Variants in PLCB4 observed in about 807,000 individuals in gnomAD.
PLCB4 encodes phospholipase C beta 4, also known as 1-phosphatidylinositol 4,5-bisphosphate phosphodiesterase beta-4.
In PLCB4, 77 loss-of-function variants were observed where a neutral mutation model predicts 178.8. The observed-to-expected ratio is 0.43, with a 90% CI of 0.36 to 0.52. The LOEUF is 0.52. PLCB4 is among the 20% of genes least tolerant of loss of function. The pLI, the probability that PLCB4 is intolerant of heterozygous loss-of-function variation, is 0.00. For synonymous variants in PLCB4, 496 were observed against 490.8 expected (o/e 1.01, Z -0.14); for missense variants, 1,024 against 1,453.4 (o/e 0.70, Z 4.80).
chr20:9,425,214 A>G (rs1022521261), intron 28 of PLCB4, among the ~76,000 whole-genome samples: 4 of 152,222 alleles, frequency 2.6e-5, no homozygotes, highest in African/African-American at 9.6e-5. Context: ...GGCAAACCTC[A>G]GAAACCTCCC....
intron 1 of PLCB4, among the ~76,000 whole-genome samples, chr20:9,093,424 C>T (rs1369676189): frequency 6.6e-6 from 1 of 152,172 alleles, no homozygotes; most frequent in East Asian, 1.9e-4. Context: ...ACTCCCTTTT[C>T]CAGCTTTTAT....
At chr20:9,203,056 A>AAAAATATATATATAT (rs769628056) in intron 2 of PLCB4, among the ~76,000 whole-genome samples, 1 of 126,162 alleles carries the variant, frequency 7.9e-6, no homozygotes, top group African/African-American at 3.3e-5. Flanking sequence ...AAAAAAAAAA[A>AAAAATATATATATAT]ATATATATAT....
intron 2 of PLCB4, among the ~76,000 whole-genome samples, chr20:9,127,799 C>T (rs747519184): frequency 3.9e-4 from 59 of 152,092 alleles, no homozygotes; most frequent in Non-Finnish European, 8.1e-4. Flanking sequence ...ATTCTCCTGC[C>T]TCTGCCTCCT....
At chr20:9,449,981 C>T (rs929049238) in intron 32 of PLCB4, among the ~76,000 whole-genome samples, 2 of 152,158 alleles carry the variant, frequency 1.3e-5, no homozygotes, top group Non-Finnish European at 2.9e-5. Context: ...CTCTGTGGTG[C>T]GATCATTCAC....
intron 4 of PLCB4, among the ~76,000 whole-genome samples, chr20:9,311,998 G>A (rs1489564291): frequency 6.6e-6 from 1 of 152,114 alleles, no homozygotes; most frequent in African/African-American, 2.4e-5. Context: ...CATGGGCCTA[G>A]TGGCTTTCTT....
intron 12 of PLCB4, among the ~76,000 whole-genome samples, chr20:9,374,718 T>C (rs965112728): frequency 1.3e-5 from 2 of 152,174 alleles, no homozygotes; most frequent in African/African-American, 4.8e-5. Flanking sequence ...AGTGCAGTAT[T>C]TATAGGCTCT....
chr20:9,366,348 G>A lies in PLCB4; in HGVS notation c.503+834G>A, dbSNP rs189172726. Among the ~76,000 whole-genome samples the A allele has an allele frequency of 1.5e-3, 214 of 138,636 alleles. 1 individual carries two copies. Among genetic ancestry groups the A allele is most frequent in the Middle Eastern group, 8.1e-3 (2 of 248 alleles). 91.0% of individuals were successfully genotyped at this position (138,636 alleles called of 152,430 possible). On this transcript the variant is annotated intron_variant, in intron 9 of 39. Coordinates refer to ENST00000378473, the MANE Select transcript of PLCB4 (RefSeq NM_001377142.1). Reference sequence around the variant, plus strand: ...GGAGGCAGAGCTTGCAGTGAGTCGAGATGGCACCACTGCACTCCAGCCTGG... The same window carrying A: ...GGAGGCAGAGCTTGCAGTGAGTCGAAATGGCACCACTGCACTCCAGCCTGG...
intron 2 of PLCB4, among the ~76,000 whole-genome samples, chr20:9,164,407 T>G (rs2146997891): frequency 6.6e-6 from 1 of 152,286 alleles, no homozygotes; most frequent in African/African-American, 2.4e-5. Context: ...TCAGGGAAAT[T>G]AAGTGACTTG....
intron 3 of PLCB4, among the ~76,000 whole-genome samples, chr20:9,225,991 C>T (rs983979504): frequency 1.3e-5 from 2 of 152,174 alleles, no homozygotes; most frequent in African/African-American, 4.8e-5. Flanking sequence ...GGAGAGGAAC[C>T]GGCCGGTGAC....
At chr20:9,112,016 G>C (rs1257494022) in intron 2 of PLCB4, among the ~76,000 whole-genome samples, 1 of 152,026 alleles carries the variant, frequency 6.6e-6, no homozygotes, top group African/African-American at 2.4e-5. Context: ...AGACAAATAT[G>C]CCTTACATTT....
chr20:9,117,931 A>AT (rs2091834523), intron 2 of PLCB4, among the ~76,000 whole-genome samples: 2 of 151,672 alleles, frequency 1.3e-5, no homozygotes, highest in African/African-American at 4.9e-5. Flanking sequence ...TTCTTTACAT[A>AT]TTTTTTATTA....
Position 9,372,338 on chromosome 20 carries a change from A to C in PLCB4, c.621A>C (p.Glu207Asp). 2.5e-6 allele frequency: 4 copies of C among 1,601,158 alleles called. No individual in the cohort carries two copies. The highest frequency in any genetic ancestry group is 3.4e-6 in the Non-Finnish European group (4 of 1,169,112). ...DEIEPTAFSY[E>D]KFYELTQKIC... ...TTGAGCCCACAGCATTTTCTTATGA[A>C]AAGTTCTATGAACTGACACAAAAGA... Residue 207 changes from glutamate (E) to aspartate (D), a missense_variant, in exon 11 of 40, where the codon GAA becomes GAC. Glu to Asp is a conservative substitution (Grantham distance 45, BLOSUM62 2). Around this residue, in one of 7 missense-constraint regions of PLCB4, gnomAD observed 225 missense variants for 291.0 expected, o/e 0.77. Transcript: ENST00000378473.
At chr20:9,153,277 G>T (rs753474447) in intron 2 of PLCB4, among the ~76,000 whole-genome samples, 1 of 152,118 alleles carries the variant, frequency 6.6e-6, no homozygotes, top group Non-Finnish European at 1.5e-5. Flanking sequence ...AGGGGCCAAG[G>T]GTGGAATGAT....
At chr20:9,309,832 A>G (rs923555415) in intron 4 of PLCB4, among the ~76,000 whole-genome samples, 2 of 152,196 alleles carry the variant, frequency 1.3e-5, no homozygotes, top group African/African-American at 2.4e-5. Flanking sequence ...ATTATTAATC[A>G]TCACAGCTCA....
chr20:9,106,459 T>C (rs2091367628), intron 2 of PLCB4, among the ~76,000 whole-genome samples: 1 of 151,744 alleles, frequency 6.6e-6, no homozygotes, highest in Non-Finnish European at 1.5e-5. Flanking sequence ...ACAGATATGA[T>C]TGTAACATAC....
At chr20:9,286,473 A>G (rs2147733723) in intron 3 of PLCB4, among the ~76,000 whole-genome samples, 1 of 152,168 alleles carries the variant, frequency 6.6e-6, no homozygotes, top group South Asian at 2.1e-4. Flanking sequence ...CTATTTCTTC[A>G]GGCCTAAAGC....
chr20:9,431,638 GTGTGTGTGTGTT>G (rs2041408748), intron 28 of PLCB4, among the ~76,000 whole-genome samples: 1 of 135,308 alleles, frequency 7.4e-6, no homozygotes, highest in African/African-American at 2.9e-5. Flanking sequence ...GCCAATTTGT[GTGTGTGTGTGTT>G]TGTGTGTGTG....
chr20:9,076,785 C>T (rs566982381), intron 1 of PLCB4, among the ~76,000 whole-genome samples: 1 of 152,196 alleles, frequency 6.6e-6, no homozygotes, highest in East Asian at 1.9e-4. Flanking sequence ...TGCCAAGATG[C>T]TATTATTGGA....
At chr20:9,125,712 C>A (rs2092095012) in intron 2 of PLCB4, among the ~76,000 whole-genome samples, 1 of 152,166 alleles carries the variant, frequency 6.6e-6, no homozygotes, top group Non-Finnish European at 1.5e-5. Context: ...TACCACCCAG[C>A]CATAGCCCTA....
Sources: gnomAD v4.1 joint callset for allele counts (sites outside exome capture counted in the v4.1 genomes callset) on GRCh38, gnomAD v4.1.1 for gene constraint, gnomAD v4.1.1 regional missense constraint, MANE v1.5 for transcripts, NCBI Gene and HGNC (gene_info 2026-07-23, HGNC 2026-07-21) for gene names.